FAM171A1: variants seen among roughly 807,000 people sequenced by gnomAD.
FAM171A1 encodes family with sequence similarity 171 member A1.
In FAM171A1, 23 loss-of-function variants were observed where a neutral mutation model predicts 74.9. The ratio of observed to expected loss-of-function variants is 0.31; its 90% confidence interval spans 0.22 to 0.44. FAM171A1 has a LOEUF of 0.44. FAM171A1 is among the 20% of genes least tolerant of loss of function. FAM171A1 has a pLI of 1.00. For synonymous variants in FAM171A1, 527 were observed against 505.7 expected, an observed-to-expected ratio of 1.04 and a Z score of -0.57; for missense variants, 1,162 against 1,159.2, an observed-to-expected ratio of 1.00 and a Z score of -0.03.
intron 3 of FAM171A1, among the ~76,000 whole-genome samples, chr10:15,273,880 T>C (rs1782943447): frequency 6.6e-6 from 1 of 152,184 alleles, no homozygotes; most frequent in South Asian, 2.1e-4. Flanking sequence ...TGATGGGATG[T>C]ATCTCAAAAT....
At chr10:15,265,209 C>T (rs149162426) in intron 3 of FAM171A1, among the ~76,000 whole-genome samples, 1 of 152,156 alleles carries the variant, frequency 6.6e-6, no homozygotes, top group Non-Finnish European at 1.5e-5. Flanking sequence ...ATGCTTCTTG[C>T]TCCTCAGAGA....
chr10:15,313,250 C>T (rs968432747), intron 1 of FAM171A1, among the ~76,000 whole-genome samples: 1 of 152,232 alleles, frequency 6.6e-6, no homozygotes. Flanking sequence ...CAGGACCCAG[C>T]AGCCTCAGGA....
chr10:15,223,067 T>C (rs555235925), intron 5 of FAM171A1, among the ~76,000 whole-genome samples: 7 of 152,318 alleles, frequency 4.6e-5, no homozygotes, highest in African/African-American at 1.7e-4. Context: ...GGGCTGGGCA[T>C]GGTGGCTCAC....
chr10:15,298,094 CA>C (rs1835182103), intron 1 of FAM171A1, among the ~76,000 whole-genome samples: 1 of 152,090 alleles, frequency 6.6e-6, no homozygotes, highest in Admixed American at 6.6e-5. Flanking sequence ...ATGAGATATA[CA>C]TTTGACAGCA....
intron 1 of FAM171A1, among the ~76,000 whole-genome samples, chr10:15,296,131 A>C (rs902593986): frequency 6.6e-6 from 1 of 152,142 alleles, no homozygotes; most frequent in African/African-American, 2.4e-5. Context: ...TTTTATAAAC[A>C]TAGAGGTTTT....
chr10:15,308,149 T>C (rs1280925899), intron 1 of FAM171A1, among the ~76,000 whole-genome samples: 1 of 152,144 alleles, frequency 6.6e-6, no homozygotes, highest in Non-Finnish European at 1.5e-5. Flanking sequence ...ATGTTGTCAC[T>C]CTCATGCTGT....
chr10:15,220,418 A>G (rs926358635), intron 6 of FAM171A1, among the ~76,000 whole-genome samples: 2 of 152,230 alleles, frequency 1.3e-5, no homozygotes, highest in Non-Finnish European at 2.9e-5. Flanking sequence ...GTTAAAAAAA[A>G]TAAACTATTG....
chr10:15,306,300 G>A (rs1305754939), intron 1 of FAM171A1, among the ~76,000 whole-genome samples: 1 of 151,598 alleles, frequency 6.6e-6, no homozygotes, highest in Non-Finnish European at 1.5e-5. Context: ...ATTGTGCAGA[G>A]GAAAAAATGC....
intron 5 of FAM171A1, among the ~76,000 whole-genome samples, chr10:15,246,857 C>G (rs1450403646): frequency 6.6e-6 from 1 of 152,160 alleles, no homozygotes; most frequent in African/African-American, 2.4e-5. Flanking sequence ...TTTCAGGGCA[C>G]TAGGAAGCAA....
At chr10:15,314,788 G>A (rs1182698504) in intron 1 of FAM171A1, among the ~76,000 whole-genome samples, 4 of 152,210 alleles carry the variant, frequency 2.6e-5, no homozygotes, top group African/African-American at 9.7e-5. Flanking sequence ...TGGGAAGTTG[G>A]GGAGTATCCG....
At chr10:15,356,367 GATAC>G (rs1835932157) in intron 1 of FAM171A1, among the ~76,000 whole-genome samples, 1 of 151,992 alleles carries the variant, frequency 6.6e-6, no homozygotes, top group Non-Finnish European at 1.5e-5. Context: ...AGTATAGAAA[GATAC>G]AACCAATTTG....
chr10:15,284,811 T>C (rs1303866729), intron 1 of FAM171A1, among the ~76,000 whole-genome samples: 1 of 151,766 alleles, frequency 6.6e-6, no homozygotes, highest in Non-Finnish European at 1.5e-5. Context: ...TCCTGGGAAA[T>C]GTGGCAGAAG....
intron 1 of FAM171A1, among the ~76,000 whole-genome samples, chr10:15,362,355 G>A (rs1251228004): frequency 6.6e-6 from 1 of 152,154 alleles, no homozygotes; most frequent in African/African-American, 2.4e-5. Context: ...ACACACTTAT[G>A]CTCCTTGAAA....
intron 1 of FAM171A1, among the ~76,000 whole-genome samples, chr10:15,366,808 T>C (rs1475331): frequency 0.61 from 92,762 of 152,086 alleles, 28,330 homozygotes; most frequent in East Asian, 0.76. Flanking sequence ...TTAATATTTA[T>C]TAAAAATTCC....
intron 6 of FAM171A1, among the ~76,000 whole-genome samples, chr10:15,219,536 T>C (rs1341090832): frequency 2.0e-5 from 3 of 152,238 alleles, no homozygotes; most frequent in African/African-American, 7.2e-5. Context: ...GTGTGGTTCA[T>C]GCTTATATCA....
At chr10:15,355,483 C>T (rs977837518) in intron 1 of FAM171A1, among the ~76,000 whole-genome samples, 2 of 152,040 alleles carry the variant, frequency 1.3e-5, no homozygotes, top group South Asian at 2.1e-4. Flanking sequence ...TTTGGGAGGC[C>T]GAGGCAGGTA....
chr10:15,358,164 CGAG>C (rs1481248013), intron 1 of FAM171A1, among the ~76,000 whole-genome samples: 3 of 151,648 alleles, frequency 2.0e-5, no homozygotes, highest in Non-Finnish European at 4.4e-5. Context: ...TGTGTAGAGA[CGAG>C]GTCTCCCTAT....
intron 3 of FAM171A1, among the ~76,000 whole-genome samples, chr10:15,263,760 TA>T (rs1834696070): frequency 1.3e-5 from 2 of 151,838 alleles, no homozygotes; most frequent in African/African-American, 4.8e-5. Context: ...TCTATCTATC[TA>T]TCTATCTATC....
chr10:15,369,245 C>T lies in FAM171A1; in HGVS notation c.97+1711G>A, dbSNP rs528168563. On this transcript the variant is annotated intron_variant, in intron 1 of 7. Transcript: ENST00000378116. Reference sequence around the variant, plus strand: ...ATATATATATATATTGAAGACATGCCTTCCTTTCTCTAATTCAGAAGTGCA... The same window carrying T: ...ATATATATATATATTGAAGACATGCTTTCCTTTCTCTAATTCAGAAGTGCA... Among the ~76,000 whole-genome samples, 12 of 138,532 alleles carry T rather than the reference C, an allele frequency of 8.7e-5. 1 individual carries two copies. In the South Asian group the frequency reaches 2.6e-3, roughly 30 times the overall value. The allele number at this position is 138,532 out of a possible 152,430, so 90.9% of individuals were successfully genotyped here.
Sources: gnomAD v4.1 joint callset for allele counts (sites outside exome capture counted in the v4.1 genomes callset) on GRCh38, gnomAD v4.1.1 for gene constraint, MANE v1.5 for transcripts, NCBI Gene and HGNC (gene_info 2026-07-23, HGNC 2026-07-21) for gene names.